The following HTR4 variants were observed in gnomAD, a reference collection of about 807,000 sequenced individuals.
HTR4 encodes 5-hydroxytryptamine receptor 4.
In HTR4, 16 loss-of-function variants were observed where a neutral mutation model predicts 36.8. The observed-to-expected ratio is 0.43, with a 90% CI of 0.29 to 0.66. The LOEUF is 0.66. HTR4 is among the 30% of genes least tolerant of loss of function. HTR4 has a pLI of 0.13. For missense variants in HTR4, 438 were observed against 490.9 expected, an observed-to-expected ratio of 0.89 and a Z score of 1.02; for synonymous variants, 189 against 185.1, an observed-to-expected ratio of 1.02 and a Z score of -0.17.
intron 2 of HTR4, among the ~76,000 whole-genome samples, chr5:148,604,771 C>T (rs1419217859): frequency 6.6e-6 from 1 of 152,222 alleles, no homozygotes; most frequent in East Asian, 1.9e-4. Flanking sequence ...ATGTATGATT[C>T]AATGTATATG....
chr5:148,520,533 G>C (rs558754457), intron 5 of HTR4, among the ~76,000 whole-genome samples: 1 of 152,212 alleles, frequency 6.6e-6, no homozygotes, highest in African/African-American at 2.4e-5. Context: ...TCCAAAGCCC[G>C]GGCTCAGATA....
At chr5:148,619,721 G>C (rs555737169) in intron 2 of HTR4, among the ~76,000 whole-genome samples, 1 of 152,208 alleles carries the variant, frequency 6.6e-6, no homozygotes, top group South Asian at 2.1e-4. Context: ...GATTTGCCTG[G>C]TCCAGCCAAG....
At chr5:148,453,296 T>A (rs570263567) in intron 5 of HTR4, among the ~76,000 whole-genome samples, 1 of 152,312 alleles carries the variant, frequency 6.6e-6, no homozygotes, top group African/African-American at 2.4e-5. Flanking sequence ...CTATTCTAAG[T>A]GTCTAAGTTT....
chr5:148,523,996 T>G (rs1163856517), intron 4 of HTR4, among the ~76,000 whole-genome samples: 3 of 105,838 alleles, frequency 2.8e-5, no homozygotes, highest in African/African-American at 6.7e-5. Context: ...TAAGTCCGTG[T>G]TTTTTTTTTT....
chr5:148,592,228 A>G (rs949178661), intron 2 of HTR4, among the ~76,000 whole-genome samples: 2 of 152,140 alleles, frequency 1.3e-5, no homozygotes, highest in African/African-American at 4.8e-5. Context: ...ACTGGAATCT[A>G]CTTGAGGGTG....
At chr5:148,637,166 G>A (rs536470089) in intron 1 of HTR4, 105 bp from the exon 2 acceptor site, 1 of 727,390 alleles carries the variant, frequency 1.4e-6, no homozygotes, top group Admixed American at 2.7e-5. Flanking sequence ...ATTATGACTT[G>A]TTTTGTGGAA....
chr5:148,524,474 C>G (rs1758168046), intron 4 of HTR4, among the ~76,000 whole-genome samples: 1 of 152,174 alleles, frequency 6.6e-6, no homozygotes, highest in Admixed American at 6.5e-5. Flanking sequence ...CATGTTCTGC[C>G]TATGATACTA....
Position 148,627,018 on chromosome 5 carries a change from C to A in HTR4, c.26+9971G>T, listed in dbSNP as rs551352525. Among the ~76,000 whole-genome samples, 7 of 152,304 alleles carry A rather than the reference C, an allele frequency of 4.6e-5. No individual in the cohort carries two copies. The East Asian group carries it at 1.4e-3, about 29-fold the overall frequency. On this transcript the variant is annotated intron_variant, in intron 2 of 6. Transcript: ENST00000377888. ...AAACATCTTCCTCTTCCTCCTCATG[C>A]AATTCATCATGATCTACCGGAAATG...
intron 6 of HTR4, among the ~76,000 whole-genome samples, chr5:148,486,454 C>G (rs1198416918): frequency 6.6e-6 from 1 of 152,106 alleles, no homozygotes; most frequent in Non-Finnish European, 1.5e-5. Flanking sequence ...AAGACAGGGA[C>G]CTGGGTTCTA....
chr5:148,557,774 T>C (rs556072693), intron 2 of HTR4, among the ~76,000 whole-genome samples: 1 of 148,100 alleles, frequency 6.8e-6, no homozygotes, highest in East Asian at 1.9e-4. Flanking sequence ...ATATAATATA[T>C]TATATAATAT....
chr5:148,478,372 G>A (rs1161027998), downstream of HTR4, among the ~76,000 whole-genome samples: 1 of 152,178 alleles, frequency 6.6e-6, no homozygotes, highest in Non-Finnish European at 1.5e-5. Context: ...AGGTTCTGGG[G>A]TCTGGTAGCA....
intron 6 of HTR4, among the ~76,000 whole-genome samples, chr5:148,487,654 C>T (rs564725516): frequency 2.0e-5 from 3 of 152,134 alleles, no homozygotes; most frequent in Non-Finnish European, 4.4e-5. Flanking sequence ...AGATTTCCCT[C>T]CAGCCATTCT....
intron 1 of HTR4, among the ~76,000 whole-genome samples, chr5:148,642,389 G>A (rs1204273648): frequency 1.3e-5 from 2 of 152,186 alleles, no homozygotes; most frequent in Non-Finnish European, 2.9e-5. Flanking sequence ...AGGGAGAAAT[G>A]TCAAGTAATT....
chr5:148,580,448 T>C (rs115814959), intron 2 of HTR4, among the ~76,000 whole-genome samples: 5,441 of 152,152 alleles, frequency 0.036, 138 homozygotes, highest in Middle Eastern at 0.058. Context: ...GTAAGTGCAC[T>C]GTATCTTATT....
intron 2 of HTR4, among the ~76,000 whole-genome samples, chr5:148,559,724 C>A (rs919448684): frequency 6.6e-6 from 1 of 152,032 alleles, no homozygotes; most frequent in Non-Finnish European, 1.5e-5. Flanking sequence ...AACCCTCTTA[C>A]CTGCTTCCAA....
At chr5:148,570,450 A>G (rs937232130) in intron 2 of HTR4, among the ~76,000 whole-genome samples, 2 of 152,166 alleles carry the variant, frequency 1.3e-5, no homozygotes, top group Non-Finnish European at 2.9e-5. Flanking sequence ...GGGAGAACAG[A>G]AAACACTTTC....
At chr5:148,511,124 G>C (rs142031814) in intron 5 of HTR4, among the ~76,000 whole-genome samples, 1 of 151,830 alleles carries the variant, frequency 6.6e-6, no homozygotes, top group Non-Finnish European at 1.5e-5. Context: ...TTTTAAATGA[G>C]CCATCTACAC....
chr5:148,521,685 A>G (rs1373959711), intron 5 of HTR4, among the ~76,000 whole-genome samples: 1 of 152,062 alleles, frequency 6.6e-6, no homozygotes, highest in Non-Finnish European at 1.5e-5. Flanking sequence ...TATCTGGAGA[A>G]CCAATACACA....
chr5:148,626,937 AT>A (rs1449574094), intron 2 of HTR4, among the ~76,000 whole-genome samples: 2 of 152,172 alleles, frequency 1.3e-5, no homozygotes, highest in Non-Finnish European at 2.9e-5. Context: ...CTCAATCAAC[AT>A]CAAACTAAGT....
Sources: allele counts gnomAD v4.1 joint callset (sites outside exome capture counted in the v4.1 genomes callset), GRCh38; gene constraint gnomAD v4.1.1; transcripts MANE v1.5; gene names NCBI Gene and HGNC (gene_info 2026-07-23, HGNC 2026-07-21).